Variants in LINGO1 observed in about 807,000 individuals in gnomAD.
LINGO1 encodes leucine-rich repeat and immunoglobulin-like domain-containing nogo receptor-interacting protein 1.
A neutral mutation model predicts 37.3 loss-of-function variants in LINGO1; 11 were observed. The observed-to-expected ratio is 0.29, with a 90% CI of 0.19 to 0.49. The LOEUF (loss-of-function observed/expected upper bound fraction) is 0.49, where lower values mean the gene tolerates loss of function less well. Among genes scored for constraint, LINGO1 ranks in the 20% least tolerant of loss-of-function variants. The pLI is 0.99. For synonymous variants in LINGO1, 387 were observed against 403.0 expected, an observed-to-expected ratio of 0.96 and a Z score of 0.48; for missense variants, 585 against 878.2, an observed-to-expected ratio of 0.67 and a Z score of 4.22.
intron 1 of LINGO1, among the ~76,000 whole-genome samples, chr15:77,780,203 C>T (rs2076701934): frequency 6.6e-6 from 1 of 152,132 alleles, no homozygotes; most frequent in Non-Finnish European, 1.5e-5. Flanking sequence ...AGAAGTGAGG[C>T]CAGTGGGCTG....
chr15:77,642,107 C>T (rs750860763), intron 3 of LINGO1: 46 of 407,022 alleles, frequency 1.1e-4, no homozygotes, highest in Non-Finnish European at 2.0e-4. Flanking sequence ...GGCGCTCCTC[C>T]ACCTCTGCCT....
chr15:77,774,802 G>A (rs1263489919), intron 1 of LINGO1, among the ~76,000 whole-genome samples: 1 of 152,156 alleles, frequency 6.6e-6, no homozygotes, highest in African/African-American at 2.4e-5. Context: ...TCATCAGTGG[G>A]TGCACCTGGA....
At chr15:77,809,896 GAACA>G (rs2076989436) in intron 1 of LINGO1, among the ~76,000 whole-genome samples, 1 of 152,270 alleles carries the variant, frequency 6.6e-6, no homozygotes, top group East Asian at 1.9e-4. Context: ...CAACCGCAGA[GAACA>G]GACAGGCTTG....
At chr15:77,685,937 C>A (rs1336020623) in intron 2 of LINGO1, among the ~76,000 whole-genome samples, 1 of 152,192 alleles carries the variant, frequency 6.6e-6, no homozygotes, top group African/African-American at 2.4e-5. Context: ...CAGAGCCCCA[C>A]GATCCTGAGC....
intron 1 of LINGO1, among the ~76,000 whole-genome samples, chr15:77,766,760 C>T (rs1415414545): frequency 6.6e-6 from 1 of 152,202 alleles, no homozygotes; most frequent in Non-Finnish European, 1.5e-5. Context: ...GTCAATTAAA[C>T]CTCTTTCCTT....
intron 1 of LINGO1, among the ~76,000 whole-genome samples, chr15:77,782,592 C>T (rs1936234184): frequency 6.6e-6 from 1 of 152,164 alleles, no homozygotes; most frequent in African/African-American, 2.4e-5. Flanking sequence ...TGCACCTCCA[C>T]CTGCGCCATA....
chr15:77,791,186 G>C (rs994659455), upstream of LINGO1, among the ~76,000 whole-genome samples: 3 of 152,162 alleles, frequency 2.0e-5, no homozygotes, highest in African/African-American at 7.2e-5. Flanking sequence ...GAAGAGCTTT[G>C]ACAACAGTAC....
At chr15:77,682,511 C>T (rs2075434281) in intron 2 of LINGO1, among the ~76,000 whole-genome samples, 1 of 152,088 alleles carries the variant, frequency 6.6e-6, no homozygotes, top group Non-Finnish European at 1.5e-5. Flanking sequence ...GCTCCCTAGT[C>T]CTGTCCCCAA....
intron 1 of LINGO1, among the ~76,000 whole-genome samples, chr15:77,736,097 C>T (rs866965347): frequency 2.6e-5 from 4 of 152,204 alleles, no homozygotes; most frequent in South Asian, 2.1e-4. Context: ...AGAGTAAACA[C>T]TCTCATTCCC....
At chr15:77,654,566 A>G (rs976045763) in intron 3 of LINGO1, among the ~76,000 whole-genome samples, 14 of 152,114 alleles carry the variant, frequency 9.2e-5, no homozygotes, top group African/African-American at 1.4e-4. Context: ...ACTGAGCACA[A>G]TGCCCCTGAA....
intron 3 of LINGO1, among the ~76,000 whole-genome samples, chr15:77,673,707 A>G (rs368370148): frequency 2.0e-5 from 3 of 152,126 alleles, no homozygotes; most frequent in Admixed American, 6.5e-5. Flanking sequence ...TTTAAATACT[A>G]TCTTTATGCT....
intron 1 of LINGO1, among the ~76,000 whole-genome samples, chr15:77,779,832 C>T (rs537323538): frequency 6.6e-6 from 1 of 152,194 alleles, no homozygotes; most frequent in Non-Finnish European, 1.5e-5. Flanking sequence ...GATCCTAAAA[C>T]AGTGCCTGGA....
intron 1 of LINGO1, among the ~76,000 whole-genome samples, chr15:77,695,750 G>A (rs970666011): frequency 4.6e-5 from 7 of 152,214 alleles, no homozygotes; most frequent in Non-Finnish European, 8.8e-5. Flanking sequence ...CATGCCGGCC[G>A]ATCTGTGGCT....
intron 3 of LINGO1, among the ~76,000 whole-genome samples, chr15:77,664,173 G>A (rs1325833650): frequency 2.7e-5 from 4 of 149,598 alleles, no homozygotes; most frequent in East Asian, 3.9e-4. Flanking sequence ...GTGTGTGTGC[G>A]CGCGCGCATG....
chr15:77,795,721 C>A (rs1465502783), intron 2 of LINGO1, among the ~76,000 whole-genome samples: 4 of 152,236 alleles, frequency 2.6e-5, no homozygotes, highest in African/African-American at 9.6e-5. Context: ...GTCCGTGAAA[C>A]CCACTTGCTG....
At position 77,708,044 on chromosome 15, in the gene LINGO1, T is replaced by C. The variant is rs1596138918; in HGVS notation, c.-194-17143A>G. Among the ~76,000 whole-genome samples the C allele has an allele frequency of 5.3e-5, 8 of 152,346 alleles. 2 individuals carry two copies. Among genetic ancestry groups the C allele is most frequent in the Admixed American group, 5.2e-4 (8 of 15,296 alleles). Reference sequence around the variant, plus strand: ...ACCAGCTTGCCCAGAATTTCTGTCTTGCACAAGGTAATTACAGTTCTTCCT... The same window carrying C: ...ACCAGCTTGCCCAGAATTTCTGTCTCGCACAAGGTAATTACAGTTCTTCCT... On this transcript the variant is annotated intron_variant, in intron 2 of 3. Transcript: ENST00000561686.
intron 3 of LINGO1, among the ~76,000 whole-genome samples, chr15:77,665,227 C>G (rs1010025146): frequency 6.6e-6 from 1 of 152,228 alleles, no homozygotes; most frequent in Admixed American, 6.5e-5. Context: ...GCACTCAAGG[C>G]CCCTTGCCCA....
At chr15:77,690,215 C>T (rs1159804461) in intron 2 of LINGO1, among the ~76,000 whole-genome samples, 2 of 152,174 alleles carry the variant, frequency 1.3e-5, no homozygotes, top group Admixed American at 1.3e-4. Context: ...GACCCCCAGC[C>T]CATCAGTGTT....
chr15:77,751,377 T>C (rs2141367023), intron 1 of LINGO1, among the ~76,000 whole-genome samples: 1 of 152,366 alleles, frequency 6.6e-6, no homozygotes, highest in African/African-American at 2.4e-5. Flanking sequence ...CTACTGCTCC[T>C]ACTATTATCT....
Sources: allele counts gnomAD v4.1 joint callset (sites outside exome capture counted in the v4.1 genomes callset), GRCh38; gene constraint gnomAD v4.1.1; transcripts MANE v1.5; gene names NCBI Gene and HGNC (gene_info 2026-07-23, HGNC 2026-07-21).